TPTE: variants seen among roughly 807,000 people sequenced by gnomAD.
TPTE encodes the protein putative tyrosine-protein phosphatase TPTE.
Under a neutral mutation model 84.1 loss-of-function variants are expected in TPTE, and 59 were observed. The observed-to-expected ratio is 0.70, with a 90% CI of 0.57 to 0.87. TPTE has a LOEUF of 0.87. TPTE is among the 40% of genes least tolerant of loss of function. TPTE has a pLI of 0.00. For missense variants in TPTE, 382 were observed against 659.6 expected (o/e 0.58, Z 4.61); for synonymous variants, 130 against 223.5 (o/e 0.58, Z 3.73).
chr21:10,532,821 G>A (rs1157339566), intron 3 of TPTE, among the ~76,000 whole-genome samples: 1 of 152,302 alleles, frequency 6.6e-6, no homozygotes, highest in Non-Finnish European at 1.5e-5. Flanking sequence ...TATATTCAGA[G>A]AATAGCAATA....
intron 14 of TPTE, among the ~76,000 whole-genome samples, chr21:10,575,408 A>C (rs2075130385): frequency 1.3e-5 from 2 of 152,310 alleles, no homozygotes; most frequent in Non-Finnish European, 2.9e-5. Context: ...CCACCTCTGC[A>C]GTTTGGTCAA....
intron 7 of TPTE, among the ~76,000 whole-genome samples, chr21:10,548,097 G>T (rs2074503289): frequency 6.6e-6 from 1 of 152,308 alleles, no homozygotes; most frequent in South Asian, 2.1e-4. Context: ...CCCACAGGCT[G>T]CCCCCAGCAG....
chr21:10,523,525 C>A (rs1489533271), intron 1 of TPTE, among the ~76,000 whole-genome samples: 2 of 151,772 alleles, frequency 1.3e-5, no homozygotes, highest in Non-Finnish European at 2.9e-5. Flanking sequence ...TGTTCAGTTC[C>A]CACCTATGAG....
intron 8 of TPTE, among the ~76,000 whole-genome samples, chr21:10,553,604 G>C (rs1254978719): frequency 6.6e-6 from 1 of 152,304 alleles, no homozygotes; most frequent in Non-Finnish European, 1.5e-5. Flanking sequence ...AAATAAAGCA[G>C]GTTTTCATTT....
chr21:10,593,439 G>GT (rs1264237528), intron 19 of TPTE, among the ~76,000 whole-genome samples: 2 of 152,304 alleles, frequency 1.3e-5, no homozygotes, highest in African/African-American at 2.4e-5. Context: ...TTTGGTTGCT[G>GT]TGTCTCCTAA....
intron 5 of TPTE, 129 bp from the exon 6 acceptor site, chr21:10,542,266 A>G: frequency 8.7e-7 from 1 of 1,150,586 alleles, no homozygotes; most frequent in South Asian, 1.2e-5. Context: ...TCCAGGTTCC[A>G]GTAGTACTAT....
At chr21:10,556,066 A>G (rs2074677502) in intron 8 of TPTE, among the ~76,000 whole-genome samples, 1 of 152,308 alleles carries the variant, frequency 6.6e-6, no homozygotes, top group African/African-American at 2.4e-5. Flanking sequence ...ATTATACTGT[A>G]AGTTCTAGGG....
chr21:10,596,811 G>A (rs1017162928), intron 20 of TPTE, among the ~76,000 whole-genome samples: 1 of 152,306 alleles, frequency 6.6e-6, no homozygotes, highest in Non-Finnish European at 1.5e-5. Context: ...AGACAGCCTA[G>A]TATTTTTAGC....
intron 9 of TPTE, among the ~76,000 whole-genome samples, chr21:10,559,948 G>A (rs2074762814): frequency 1.3e-5 from 2 of 150,954 alleles, no homozygotes; most frequent in South Asian, 4.2e-4. Flanking sequence ...ATATATATGA[G>A]ACTTAATACT....
At chr21:10,573,291 A>T (rs1371344472) in intron 14 of TPTE, among the ~76,000 whole-genome samples, 1 of 152,310 alleles carries the variant, frequency 6.6e-6, no homozygotes, top group African/African-American at 2.4e-5. Context: ...TAGCAATAAG[A>T]TATAATAATT....
At chr21:10,522,149 C>A (rs1341905706) in intron 1 of TPTE, among the ~76,000 whole-genome samples, 1 of 152,266 alleles carries the variant, frequency 6.6e-6, no homozygotes, top group Non-Finnish European at 1.5e-5. Flanking sequence ...GTCTTGTCCC[C>A]CCCCAGGATG....
chr21:10,526,603 T>C lies in TPTE; in HGVS notation c.-101-752T>C, dbSNP rs555352658. On this transcript the variant is annotated intron_variant, in intron 2 of 23. Coordinates refer to ENST00000618007, the MANE Select transcript of TPTE (RefSeq NM_199261.4). ...TTTAAACGTTTGAAAAGTTAGAAAA[T>C]TGTGGTGAAGAGCATTAATTCTTGA... Among the ~76,000 whole-genome samples, 7 of 152,418 alleles carry C rather than the reference T, an allele frequency of 4.6e-5. No individual in the cohort carries two copies. The South Asian group carries it at 1.4e-3, about 32-fold the overall frequency.
At chr21:10,555,036 C>G (rs1600893571) in intron 8 of TPTE, among the ~76,000 whole-genome samples, 1 of 152,428 alleles carries the variant, frequency 6.6e-6, no homozygotes, top group East Asian at 1.9e-4. Flanking sequence ...TAGCACCTGC[C>G]TTCAATACAA....
chr21:10,586,586 T>C (rs2075370284), intron 17 of TPTE, among the ~76,000 whole-genome samples: 1 of 152,306 alleles, frequency 6.6e-6, no homozygotes, highest in Non-Finnish European at 1.5e-5. Flanking sequence ...AACTCTTCTG[T>C]TTTCCTACTG....
At chr21:10,570,324 T>C (rs1251191511) in intron 13 of TPTE, among the ~76,000 whole-genome samples, 161 bp from the exon 14 acceptor site, 25 of 152,264 alleles carry the variant, frequency 1.6e-4, no homozygotes, top group Non-Finnish European at 2.9e-4. Context: ...TAATTTAATA[T>C]GTTATTTGAT....
chr21:10,592,148 G>C, intron 18 of TPTE, 145 bp from the exon 19 acceptor site: 2 of 1,374,008 alleles, frequency 1.5e-6, no homozygotes, highest in African/African-American at 1.4e-5. Flanking sequence ...CTGGGTTACA[G>C]AGCAAGACTC....
At chr21:10,521,867 A>T (rs1458080661) in intron 1 of TPTE, among the ~76,000 whole-genome samples, 173 bp downstream of exon 1, 5 of 152,008 alleles carry the variant, frequency 3.3e-5, no homozygotes, top group South Asian at 2.1e-4. Context: ...GGAATCCGGG[A>T]GGTGTCCGCA....
At chr21:10,583,693 A>C (rs1600952383) in intron 17 of TPTE, among the ~76,000 whole-genome samples, 1 of 152,430 alleles carries the variant, frequency 6.6e-6, no homozygotes, top group South Asian at 2.1e-4. Flanking sequence ...TTTCTTCGAG[A>C]AGGTTCATTC....
At chr21:10,557,883 C>T (rs1329742745) in intron 8 of TPTE, among the ~76,000 whole-genome samples, 7 of 152,304 alleles carry the variant, frequency 4.6e-5, no homozygotes, top group Admixed American at 1.3e-4. Flanking sequence ...AAATAGTTAT[C>T]TTTTCTGCTC....
Sources: allele counts gnomAD v4.1 joint callset (sites outside exome capture counted in the v4.1 genomes callset), GRCh38; gene constraint gnomAD v4.1.1; transcripts MANE v1.5; gene names NCBI Gene and HGNC (gene_info 2026-07-23, HGNC 2026-07-21).